The following CACNA2D3 variants were observed in gnomAD, a reference collection of about 807,000 sequenced individuals.
The protein encoded by CACNA2D3 is voltage-dependent calcium channel subunit alpha-2/delta-3.
A neutral mutation model predicts 160.6 loss-of-function variants in CACNA2D3; 60 were observed. That is an observed-to-expected ratio of 0.37 (90% CI 0.30 to 0.46). CACNA2D3 has a LOEUF of 0.46. Ranked by LOEUF, CACNA2D3 falls within the 20% of genes least tolerant of loss-of-function variation. The pLI is 1.00. For missense variants in CACNA2D3, 1,205 were observed against 1,365.0 expected (o/e 0.88, Z 1.85); for synonymous variants, 558 against 492.9 (o/e 1.13, Z -1.75).
chr3:54,448,427 C>G (rs1008713755), intron 4 of CACNA2D3, among the ~76,000 whole-genome samples: 5 of 152,136 alleles, frequency 3.3e-5, no homozygotes, highest in Non-Finnish European at 5.9e-5. Flanking sequence ...TCGTCAGGAC[C>G]CAAGCACTCT....
intron 11 of CACNA2D3, among the ~76,000 whole-genome samples, chr3:54,693,400 G>A (rs1459946940): frequency 6.6e-6 from 1 of 152,176 alleles, no homozygotes; most frequent in Non-Finnish European, 1.5e-5. Context: ...ACGTGTTTGT[G>A]GTGATGCTGG....
At chr3:54,378,316 TGC>T (rs1699043505) in intron 3 of CACNA2D3, among the ~76,000 whole-genome samples, 1 of 152,208 alleles carries the variant, frequency 6.6e-6, no homozygotes, top group Admixed American at 6.5e-5. Flanking sequence ...ATCCCTTGCA[TGC>T]GCAGTTCACA....
In CACNA2D3 at chr3:54,642,931, T is replaced by C. The variant is rs1301398625; in HGVS notation, c.1167+690T>C. Among the ~76,000 whole-genome samples the C allele has an allele frequency of 2.0e-5, 3 of 152,130 alleles. No homozygotes were observed. The East Asian group carries it at 5.8e-4, about 29-fold the overall frequency. ...CTACCCCACCCCTCCAGCAGCAAAA[T>C]CTCTGGGGATGTGGTTCAGTAATCC... On this transcript the variant is annotated intron_variant, in intron 11 of 37. Coordinates refer to ENST00000474759, the MANE Select transcript of CACNA2D3 (RefSeq NM_018398.3).
At chr3:54,666,300 G>C (rs1250323076) in intron 11 of CACNA2D3, among the ~76,000 whole-genome samples, 1 of 152,168 alleles carries the variant, frequency 6.6e-6, no homozygotes, top group Non-Finnish European at 1.5e-5. Context: ...TATTCTAACA[G>C]CTTAAAATAT....
intron 14 of CACNA2D3, among the ~76,000 whole-genome samples, chr3:54,831,600 G>C (rs1488463448): frequency 6.6e-6 from 1 of 152,222 alleles, no homozygotes; most frequent in Non-Finnish European, 1.5e-5. Context: ...CCATCATAAA[G>C]AGTAGTCATT....
At chr3:54,235,412 G>A (rs538115518) in intron 2 of CACNA2D3, among the ~76,000 whole-genome samples, 1 of 152,324 alleles carries the variant, frequency 6.6e-6, no homozygotes, top group East Asian at 1.9e-4. Flanking sequence ...AAGGCAAAGG[G>A]GGAGCCAGCA....
intron 10 of CACNA2D3, 123 bp from the exon 11 acceptor site, chr3:54,642,005 T>C: frequency 1.8e-6 from 1 of 558,070 alleles, no homozygotes; most frequent in South Asian, 2.5e-5. Flanking sequence ...GTTGTTTTGG[T>C]GGTGGACAGT....
chr3:54,457,471 C>G (rs1482470477), intron 4 of CACNA2D3, among the ~76,000 whole-genome samples: 1 of 152,066 alleles, frequency 6.6e-6, no homozygotes, highest in Non-Finnish European at 1.5e-5. Context: ...GTTTTGCGAT[C>G]TAACATATGG....
chr3:54,770,539 C>CT (rs543958479), intron 13 of CACNA2D3, among the ~76,000 whole-genome samples: 1 of 152,174 alleles, frequency 6.6e-6, no homozygotes, highest in Non-Finnish European at 1.5e-5. Context: ...GCAAGCTGCA[C>CT]TTTTTTTGTT....
At chr3:54,775,648 G>T (rs1440212718) in intron 13 of CACNA2D3, among the ~76,000 whole-genome samples, 1 of 152,182 alleles carries the variant, frequency 6.6e-6, no homozygotes, top group Non-Finnish European at 1.5e-5. Flanking sequence ...GGCAGGTTGT[G>T]TCTGTATTCA....
chr3:54,167,968 T>C (rs17802213), intron 2 of CACNA2D3, among the ~76,000 whole-genome samples: 37,312 of 152,088 alleles, frequency 0.25, 4,779 homozygotes, highest in East Asian at 0.36. Flanking sequence ...TTCCTTGTCA[T>C]TTTTTTTCCA....
chr3:54,431,341 G>T (rs1699987256), intron 4 of CACNA2D3, among the ~76,000 whole-genome samples: 1 of 148,744 alleles, frequency 6.7e-6, no homozygotes, highest in Admixed American at 6.7e-5. Context: ...AAAAAAAAAA[G>T]AAAAAAGAAA....
intron 4 of CACNA2D3, among the ~76,000 whole-genome samples, chr3:54,414,489 T>G (rs1033929584): frequency 6.6e-6 from 1 of 152,132 alleles, no homozygotes; most frequent in Non-Finnish European, 1.5e-5. Flanking sequence ...ATACCATTAT[T>G]TGCTTCTTCC....
intron 2 of CACNA2D3, among the ~76,000 whole-genome samples, chr3:54,206,890 A>C (rs188564924): frequency 6.6e-6 from 1 of 152,286 alleles, no homozygotes; most frequent in African/African-American, 2.4e-5. Flanking sequence ...CTTGGTCATG[A>C]CTATCTGATG....
intron 2 of CACNA2D3, among the ~76,000 whole-genome samples, chr3:54,229,129 C>G (rs530631801): frequency 6.6e-6 from 1 of 151,972 alleles, no homozygotes; most frequent in African/African-American, 2.4e-5. Context: ...TTCTATTTTC[C>G]TTGATCTTTG....
intron 5 of CACNA2D3, among the ~76,000 whole-genome samples, chr3:54,559,513 G>A (rs181638422): frequency 1.0e-3 from 154 of 152,060 alleles, no homozygotes; most frequent in African/African-American, 2.7e-3. Flanking sequence ...GGCTGTCCTC[G>A]AACTCCTGCC....
chr3:54,302,867 T>C (rs1295003897), intron 2 of CACNA2D3, among the ~76,000 whole-genome samples: 1 of 151,986 alleles, frequency 6.6e-6, no homozygotes, highest in Admixed American at 6.6e-5. Flanking sequence ...TCTCATCTCC[T>C]CTTTCTGCCT....
rs576267753 is a variant in CACNA2D3 at position 54,214,495 on chromosome 3, G to A, written c.204+90901G>A. ...AAGGGCAGGACCTGGTTAGTACACA[G>A]TGGGCTGCCCCTGAAGGTAGGTTGA... On this transcript the variant is annotated intron_variant, in intron 2 of 37. Coordinates refer to ENST00000474759, the MANE Select transcript of CACNA2D3 (RefSeq NM_018398.3). 1.0e-3 allele frequency among the ~76,000 whole-genome samples: 159 copies of A among 152,302 alleles called. 1 individual carries two copies. The highest frequency in any genetic ancestry group is 3.7e-3 in the African/African-American group (154 of 41,582).
chr3:54,452,751 T>C (rs1220369502), intron 4 of CACNA2D3, among the ~76,000 whole-genome samples: 1 of 152,138 alleles, frequency 6.6e-6, no homozygotes. Flanking sequence ...TCTGGAGGCT[T>C]GATGTCTGAA....
Sources: gnomAD v4.1 joint callset for allele counts (sites outside exome capture counted in the v4.1 genomes callset) on GRCh38, gnomAD v4.1.1 for gene constraint, MANE v1.5 for transcripts, NCBI Gene and HGNC (gene_info 2026-07-23, HGNC 2026-07-21) for gene names.